ZNF804A: variants seen among roughly 807,000 people sequenced by gnomAD.
ZNF804A encodes the protein zinc finger protein 804A.
Under a neutral mutation model 16.5 loss-of-function variants are expected in ZNF804A, and 2 were observed. The observed-to-expected ratio is 0.12, with a 90% CI of 0.05 to 0.38. The LOEUF is 0.38. ZNF804A is among the 10% of genes least tolerant of loss of function. The pLI is 0.99. For synonymous variants in ZNF804A, 534 were observed against 489.6 expected, an observed-to-expected ratio of 1.09 and a Z score of -1.20; for missense variants, 1,473 against 1,390.7, an observed-to-expected ratio of 1.06 and a Z score of -0.94.
intron 1 of ZNF804A, among the ~76,000 whole-genome samples, chr2:184,686,936 G>C (rs375424497): frequency 8.6e-5 from 13 of 151,960 alleles, no homozygotes; most frequent in East Asian, 5.8e-4. Flanking sequence ...ATTAGACCTT[G>C]GTTAGATGCA....
At chr2:184,836,621 A>T (rs561466474) in intron 1 of ZNF804A, among the ~76,000 whole-genome samples, 1 of 152,122 alleles carries the variant, frequency 6.6e-6, no homozygotes, top group South Asian at 2.1e-4. Flanking sequence ...CTTGGAAATA[A>T]ACATAGATAT....
intron 1 of ZNF804A, among the ~76,000 whole-genome samples, chr2:184,668,649 A>G: frequency 6.6e-6 from 1 of 151,940 alleles, no homozygotes; most frequent in East Asian, 1.9e-4. Context: ...TGTTTACTTC[A>G]AGAGATATTT....
intron 1 of ZNF804A, among the ~76,000 whole-genome samples, chr2:184,860,289 T>C (rs1695779096): frequency 6.6e-6 from 1 of 152,206 alleles, no homozygotes; most frequent in Non-Finnish European, 1.5e-5. Flanking sequence ...CCTCAGTCAA[T>C]AGCCTGGAAC....
intron 1 of ZNF804A, among the ~76,000 whole-genome samples, chr2:184,780,778 T>A (rs886510723): frequency 1.3e-5 from 2 of 151,812 alleles, no homozygotes; most frequent in African/African-American, 4.8e-5. Flanking sequence ...TTAAAAATTC[T>A]CTTCAATAAT....
intron 2 of ZNF804A, among the ~76,000 whole-genome samples, chr2:184,904,057 T>A (rs1168804317): frequency 1.3e-5 from 2 of 152,066 alleles, no homozygotes; most frequent in East Asian, 3.9e-4. Context: ...AAAAATTAGT[T>A]GTGTTTCTAC....
rs1169118832 is a variant in ZNF804A, at chr2:184,786,353, C to CT, written c.112-80009dup. 4.6e-5 allele frequency among the ~76,000 whole-genome samples: 7 copies of CT among 151,952 alleles called. No homozygotes were observed. In the East Asian group the frequency reaches 7.7e-4, roughly 17 times the overall value. The stretch of plus-strand genomic sequence containing the variant: ...CATTTTGTAAGCAATTCCCTAATAA[C>CT]TTTTTTTATATTTTGTAAGACAAAG... On this transcript the variant is annotated intron_variant, in intron 1 of 3. Transcript: ENST00000302277.
chr2:184,762,683 T>G (rs1212457941), intron 1 of ZNF804A, among the ~76,000 whole-genome samples: 2 of 152,014 alleles, frequency 1.3e-5, no homozygotes, highest in African/African-American at 2.4e-5. Context: ...ACTATTTATC[T>G]GAGTTTTTAA....
rs1559109804 is a variant in ZNF804A, at chr2:184,619,109, A to G, written c.111+20039A>G. 3.3e-5 allele frequency among the ~76,000 whole-genome samples: 5 copies of G among 152,204 alleles called. No homozygotes were observed. In the South Asian group the frequency reaches 1.0e-3, roughly 32 times the overall value. On this transcript the variant is annotated intron_variant, in intron 1 of 3. Coordinates refer to ENST00000302277, the MANE Select transcript of ZNF804A (RefSeq NM_194250.2). ...TGTGATGTGTGAACAAAAAGTAATCAGCAAGGAGCCTGTGAGCAGACGTTT... is the reference window on the plus strand; with the variant it reads ...TGTGATGTGTGAACAAAAAGTAATCGGCAAGGAGCCTGTGAGCAGACGTTT...
In ZNF804A at chr2:184,847,472, T is replaced by C. The variant is rs569676342; in HGVS notation, c.112-18897T>C. Reference sequence around the variant, plus strand: ...CCTGACCTTTCAGAGCAGAATGACATTTATAATGAGACAACAGCAAAGCTT... The same window carrying C: ...CCTGACCTTTCAGAGCAGAATGACACTTATAATGAGACAACAGCAAAGCTT... On this transcript the variant is annotated intron_variant, in intron 1 of 3. Transcript: ENST00000302277. Among the ~76,000 whole-genome samples, 8 of 152,188 alleles carry C rather than the reference T, an allele frequency of 5.3e-5. No homozygotes were observed. In the East Asian group the frequency reaches 1.5e-3, roughly 29 times the overall value.
At chr2:184,851,352 C>G (rs1695599600) in intron 1 of ZNF804A, among the ~76,000 whole-genome samples, 1 of 151,900 alleles carries the variant, frequency 6.6e-6, no homozygotes, top group South Asian at 2.1e-4. Context: ...AACCCCTACC[C>G]CTATACCCTG....
Position 184,705,704 on chromosome 2 carries a change from C to A in ZNF804A, c.111+106634C>A, listed in dbSNP as rs138688962. Reference sequence around the variant, plus strand: ...GACTATTTTTTAAGAAAAACAACTTCCTTTCACACATAAATACACACACAT... The same window carrying A: ...GACTATTTTTTAAGAAAAACAACTTACTTTCACACATAAATACACACACAT... On this transcript the variant is annotated intron_variant, in intron 1 of 3. Coordinates refer to ENST00000302277, the MANE Select transcript of ZNF804A (RefSeq NM_194250.2). Among the ~76,000 whole-genome samples, 59 of 152,096 alleles carry A rather than the reference C, an allele frequency of 3.9e-4. 2 individuals carry two copies. In the East Asian group the frequency reaches 0.011, roughly 28 times the overall value.
At chr2:184,669,766 A>ACACACACT (rs536721532) in intron 1 of ZNF804A, among the ~76,000 whole-genome samples, 6 of 48,470 alleles carry the variant, frequency 1.2e-4, no homozygotes, top group Non-Finnish European at 1.7e-4. Flanking sequence ...ACACACACGC[A>ACACACACT]CACACACACA....
intron 1 of ZNF804A, among the ~76,000 whole-genome samples, chr2:184,816,455 A>T (rs572848496): frequency 2.6e-5 from 4 of 152,178 alleles, no homozygotes; most frequent in African/African-American, 9.6e-5. Flanking sequence ...TTCTGTTTCT[A>T]AGTAATTGTA....
At chr2:184,783,572 C>A (rs1390752157) in intron 1 of ZNF804A, among the ~76,000 whole-genome samples, 2 of 151,858 alleles carry the variant, frequency 1.3e-5, no homozygotes, top group South Asian at 4.1e-4. Context: ...GTCTCAGTCA[C>A]TTTTCTCTGG....
intron 1 of ZNF804A, among the ~76,000 whole-genome samples, chr2:184,848,398 C>A (rs1234704989): frequency 6.6e-6 from 1 of 151,940 alleles, no homozygotes; most frequent in Non-Finnish European, 1.5e-5. Context: ...CTCCAATGCC[C>A]AAAGGTATTC....
At chr2:184,666,603 T>G (rs1692259543) in intron 1 of ZNF804A, among the ~76,000 whole-genome samples, 1 of 152,108 alleles carries the variant, frequency 6.6e-6, no homozygotes, top group Admixed American at 6.6e-5. Context: ...GCACAAGTTG[T>G]GTGAATGTTT....
intron 1 of ZNF804A, among the ~76,000 whole-genome samples, chr2:184,631,869 C>T (rs947255550): frequency 2.0e-5 from 3 of 152,056 alleles, no homozygotes; most frequent in African/African-American, 7.2e-5. Flanking sequence ...CTTTTATGAA[C>T]CTTTGATGTA....
At chr2:184,799,318 T>C (rs539083473) in intron 1 of ZNF804A, among the ~76,000 whole-genome samples, 7 of 152,260 alleles carry the variant, frequency 4.6e-5, no homozygotes, top group African/African-American at 1.7e-4. Context: ...TTTTTTTTAA[T>C]GTCAAACTAG....
chr2:184,646,278 C>A (rs528513688), intron 1 of ZNF804A, among the ~76,000 whole-genome samples: 1 of 152,282 alleles, frequency 6.6e-6, no homozygotes, highest in Non-Finnish European at 1.5e-5. Flanking sequence ...CTGTTGTAAG[C>A]CTGGGGCAGG....
Sources: allele counts gnomAD v4.1 joint callset (sites outside exome capture counted in the v4.1 genomes callset), GRCh38; gene constraint gnomAD v4.1.1; transcripts MANE v1.5; gene names NCBI Gene and HGNC (gene_info 2026-07-23, HGNC 2026-07-21).